Variants in PPIP5K2 observed in about 807,000 individuals in gnomAD.
The protein encoded by PPIP5K2 is diphosphoinositol pentakisphosphate kinase 2, also known as inositol hexakisphosphate and diphosphoinositol-pentakisphosphate kinase 2.
In PPIP5K2, 105 loss-of-function variants were observed where a neutral mutation model predicts 154.6. The observed-to-expected ratio is 0.68, with a 90% CI of 0.58 to 0.80. The LOEUF (loss-of-function observed/expected upper bound fraction) is 0.80. PPIP5K2 is among the 30% of genes least tolerant of loss of function. The pLI is 0.00. For synonymous variants in PPIP5K2, 480 were observed against 490.3 expected (o/e 0.98, Z 0.28); for missense variants, 992 against 1,504.6 (o/e 0.66, Z 5.64).
intron 14 of PPIP5K2, among the ~76,000 whole-genome samples, chr5:103,157,001 ATT>A (rs1795515176): frequency 1.3e-5 from 2 of 152,104 alleles, no homozygotes; most frequent in South Asian, 4.1e-4. Context: ...ATATCTTAGT[ATT>A]TATCATCAAA....
At chr5:103,159,052 CTT>C in intron 16 of PPIP5K2, 92 bp from the exon 17 acceptor site, 8 of 881,778 alleles carry the variant, frequency 9.1e-6, no homozygotes, top group Non-Finnish European at 1.1e-5. Flanking sequence ...TTATGATAAA[CTT>C]AACTTATACT....
intron 13 of PPIP5K2, among the ~76,000 whole-genome samples, chr5:103,155,691 G>T (rs988147796): frequency 1.1e-4 from 17 of 151,754 alleles, no homozygotes; most frequent in Admixed American, 1.1e-3. Flanking sequence ...CTCCCAAAGT[G>T]CTGGGATTAC....
chr5:103,177,261 A>G (rs1442729329), intron 21 of PPIP5K2, among the ~76,000 whole-genome samples: 2 of 151,688 alleles, frequency 1.3e-5, no homozygotes, highest in Non-Finnish European at 2.9e-5. Flanking sequence ...GCTTGAGACC[A>G]GAAGTTTTTT....
chr5:103,172,630 C>G (rs1399982419), intron 19 of PPIP5K2, among the ~76,000 whole-genome samples: 1 of 151,642 alleles, frequency 6.6e-6, no homozygotes, highest in Admixed American at 6.6e-5. Context: ...ATCCAATTAA[C>G]TCATAATGAT....
At chr5:103,171,115 A>T (rs1338933733) in intron 19 of PPIP5K2, among the ~76,000 whole-genome samples, 2 of 151,484 alleles carry the variant, frequency 1.3e-5, no homozygotes, top group African/African-American at 2.4e-5. Flanking sequence ...GGCTTAAATG[A>T]TGCATATGGT....
intron 16 of PPIP5K2, among the ~76,000 whole-genome samples, 167 bp downstream of exon 16, chr5:103,158,740 G>C (rs1795787447): frequency 6.6e-6 from 1 of 151,946 alleles, no homozygotes; most frequent in Non-Finnish European, 1.5e-5. Context: ...TGGGCAACAT[G>C]ACGAAACCTG....
Position 103,154,943 on chromosome 5 carries a change from TGTGA to T in PPIP5K2, c.1403+3_1403+6del. The T allele has an allele frequency of 6.5e-7, 1 of 1,545,132 alleles. No individual in the cohort carries two copies. Among genetic ancestry groups the T allele is most frequent in the Non-Finnish European group, 8.7e-7 (1 of 1,145,354 alleles). On this transcript the variant is annotated splice_donor_variant and splice_donor_region_variant and intron_variant, in intron 13 of 30. Transcript: ENST00000358359. LOFTEE classifies it high-confidence loss of function. ...GAACAACTTAAGACTGTATTAGAGA[TGTGA>T]GTATCTTTTTGAAACGCTTAATTGT...
chr5:103,178,304 A>G (rs181135836), intron 23 of PPIP5K2, among the ~76,000 whole-genome samples: 4 of 152,044 alleles, frequency 2.6e-5, no homozygotes, highest in South Asian at 2.1e-4. Flanking sequence ...TCTTCGCTCT[A>G]TGAATAACTA....
chr5:103,138,229 G>T (rs577911251), intron 4 of PPIP5K2, among the ~76,000 whole-genome samples, 155 bp from the exon 5 acceptor site: 2 of 151,874 alleles, frequency 1.3e-5, no homozygotes, highest in Middle Eastern at 6.8e-3. Context: ...TTGAATATTC[G>T]AAGTGACATT....
At chr5:103,142,397 C>T (rs114978111) in intron 5 of PPIP5K2, among the ~76,000 whole-genome samples, 6,426 of 152,246 alleles carry the variant, frequency 0.042, 440 homozygotes, top group African/African-American at 0.15. Flanking sequence ...CCCCGCAGCC[C>T]CAGTTCCCGC....
chr5:103,124,497 T>C (rs1789313252), intron 1 of PPIP5K2, among the ~76,000 whole-genome samples: 1 of 152,190 alleles, frequency 6.6e-6, no homozygotes, highest in Admixed American at 6.5e-5. Context: ...ATTGGCTCTG[T>C]GATGATGATC....
chr5:103,158,417 A>G (rs782113294), intron 15 of PPIP5K2, 35 bp from the exon 16 acceptor site: 4 of 1,593,440 alleles, frequency 2.5e-6, no homozygotes, highest in Non-Finnish European at 2.6e-6. Flanking sequence ...ATGAAATGAA[A>G]ATATAGCTGA....
intron 29 of PPIP5K2, among the ~76,000 whole-genome samples, chr5:103,193,939 CTTAG>C (rs1475492713): frequency 6.6e-6 from 1 of 152,256 alleles, no homozygotes; most frequent in Non-Finnish European, 1.5e-5. Flanking sequence ...ATTTCTCTGC[CTTAG>C]TTAGAAAGAA....
At chr5:103,150,265 T>C (rs1158560116) in intron 8 of PPIP5K2, among the ~76,000 whole-genome samples, 1 of 152,340 alleles carries the variant, frequency 6.6e-6, no homozygotes, top group Admixed American at 6.5e-5. Context: ...TAAGTTTTAA[T>C]AGCTTTATAG....
intron 16 of PPIP5K2, among the ~76,000 whole-genome samples, chr5:103,158,858 G>A (rs1554214609): frequency 1.3e-5 from 2 of 152,064 alleles, no homozygotes; most frequent in East Asian, 1.9e-4. Flanking sequence ...GAGCCCAGGA[G>A]GTCAAGGCTG....
rs527394176 is a variant in PPIP5K2 at position 103,184,569 on chromosome 5, C to T, written c.3097-103C>T. The T allele has an allele frequency of 2.7e-5, 21 of 784,006 alleles. No homozygotes were observed. The African/African-American group carries it at 3.7e-4, about 14-fold the overall frequency. 48.6% of individuals were successfully genotyped at this position (784,006 alleles called of 1,614,324 possible). A position where few individuals can be genotyped will look rare whatever the true frequency, so the allele number is the denominator to read the frequency against. On this transcript the variant is annotated intron_variant, in intron 25 of 30. Transcript: ENST00000358359. ...TGTATTTCTACTAATATTTATCATA[C>T]AGCTTATTAACCTTTGTCTGTCTGG...
intron 17 of PPIP5K2, among the ~76,000 whole-genome samples, chr5:103,160,668 A>G (rs1796080152): frequency 6.6e-6 from 1 of 152,196 alleles, no homozygotes; most frequent in Admixed American, 6.5e-5. Flanking sequence ...AACCATTCTT[A>G]GCTCATGGCC....
At position 103,120,322 on chromosome 5, in the gene PPIP5K2, A is replaced by T. The variant is rs1318229174; in HGVS notation, c.-451A>T. The T allele has an allele frequency of 9.3e-6, 4 of 430,210 alleles. No individual in the cohort carries two copies. The highest frequency in any genetic ancestry group is 7.4e-5 in the Admixed American group (3 of 40,722). 26.6% of individuals were successfully genotyped at this position (430,210 alleles called of 1,614,324 possible). ...AGGTGTAGTAGCCTGAGGTTCCCTTATGTGGCCCTATAGCTGTTACTGAAG... is the reference window on the plus strand; with the variant it reads ...AGGTGTAGTAGCCTGAGGTTCCCTTTTGTGGCCCTATAGCTGTTACTGAAG... On this transcript the variant is annotated 5_prime_UTR_variant, in exon 1 of 31. It removes an upstream start codon present in the reference 5' UTR. Coordinates refer to ENST00000358359, the MANE Select transcript of PPIP5K2 (RefSeq NM_001276277.3).
intron 1 of PPIP5K2, among the ~76,000 whole-genome samples, chr5:103,124,568 C>G (rs1307521294): frequency 2.0e-5 from 3 of 152,102 alleles, no homozygotes; most frequent in South Asian, 4.1e-4. Context: ...GGACACATAT[C>G]TACATACATA....
Sources: allele counts gnomAD v4.1 joint callset (sites outside exome capture counted in the v4.1 genomes callset), GRCh38; gene constraint gnomAD v4.1.1; transcripts MANE v1.5; gene names NCBI Gene and HGNC (gene_info 2026-07-23, HGNC 2026-07-21).